The following EPS15L1 variants were observed in gnomAD, a reference collection of about 807,000 sequenced individuals.
EPS15L1 encodes epidermal growth factor receptor substrate 15-like 1.
Under a neutral mutation model 117.1 loss-of-function variants are expected in EPS15L1, and 43 were observed. That is an observed-to-expected ratio of 0.37 (90% CI 0.29 to 0.47). The LOEUF is 0.47. EPS15L1 is among the 20% of genes least tolerant of loss of function. The probability of loss-of-function intolerance (pLI) is 0.99; values close to 1 mark genes in which losing one functional copy is unlikely to be tolerated. For missense variants in EPS15L1, 981 were observed against 1,164.0 expected, an observed-to-expected ratio of 0.84 and a Z score of 2.29; for synonymous variants, 459 against 470.5, an observed-to-expected ratio of 0.98 and a Z score of 0.32.
intron 13 of EPS15L1, 48 bp downstream of exon 13, chr19:16,413,725 C>A (rs762466002): frequency 6.6e-7 from 1 of 1,525,846 alleles, no homozygotes; most frequent in Admixed American, 1.7e-5. Flanking sequence ...TTTTCCTGAA[C>A]TACATTTAGC....
chr19:16,397,142 T>G (rs561506145), intron 16 of EPS15L1, among the ~76,000 whole-genome samples: 2 of 152,066 alleles, frequency 1.3e-5, no homozygotes, highest in East Asian at 1.9e-4. Context: ...CAGGCTGGAG[T>G]GCAGTGGCGT....
intron 7 of EPS15L1, 31 bp downstream of exon 7, chr19:16,434,334 T>C (rs1599643669): frequency 3.7e-6 from 6 of 1,609,644 alleles, no homozygotes; most frequent in Non-Finnish European, 5.1e-6. Context: ...GGACACTGAG[T>C]GCAGAAGAAC....
At chr19:16,389,710 T>C (rs1187413784) in intron 19 of EPS15L1, among the ~76,000 whole-genome samples, 1 of 152,194 alleles carries the variant, frequency 6.6e-6, no homozygotes, top group Admixed American at 6.5e-5. Flanking sequence ...ATGTATGAAA[T>C]TCACATGACG....
intron 7 of EPS15L1, among the ~76,000 whole-genome samples, chr19:16,429,414 C>T (rs927807926): frequency 6.6e-6 from 1 of 152,202 alleles, no homozygotes; most frequent in African/African-American, 2.4e-5. Flanking sequence ...CTGCCAGTCC[C>T]CGGATCTAAG....
intron 21 of EPS15L1, among the ~76,000 whole-genome samples, chr19:16,380,139 GCA>G (rs945448430): frequency 5.9e-5 from 8 of 135,304 alleles, no homozygotes; most frequent in African/African-American, 2.0e-4. Flanking sequence ...GCATCTAGTC[GCA>G]CAGACGCAGC....
intron 16 of EPS15L1, chr19:16,401,898 G>A (rs2092604968): frequency 1.0e-6 from 1 of 993,032 alleles, no homozygotes; most frequent in South Asian, 4.7e-5. Flanking sequence ...TGTTCCTTGT[G>A]GAAACACACA....
At chr19:16,445,800 G>C (rs577321336) in intron 1 of EPS15L1, among the ~76,000 whole-genome samples, 12 of 152,320 alleles carry the variant, frequency 7.9e-5, no homozygotes, top group African/African-American at 2.6e-4. Flanking sequence ...ACGCACCAGG[G>C]GATGAGGCCT....
chr19:16,378,399 A>G (rs1402447645), intron 21 of EPS15L1, among the ~76,000 whole-genome samples: 1 of 151,970 alleles, frequency 6.6e-6, no homozygotes, highest in Non-Finnish European at 1.5e-5. Flanking sequence ...CAAGTCCTGC[A>G]ACACTCAGGT....
intron 1 of EPS15L1, among the ~76,000 whole-genome samples, chr19:16,443,935 G>A (rs567085224): frequency 2.2e-4 from 34 of 151,552 alleles, no homozygotes; most frequent in Admixed American, 1.2e-3. Context: ...GTGGTGGTGT[G>A]CGCCTGTAAT....
In EPS15L1 at chr19:16,385,164, C is replaced by T. The variant is rs1208306721; in HGVS notation, c.2212G>A (p.Ala738Thr). The T allele has an allele frequency of 1.9e-6, 3 of 1,614,174 alleles. No homozygotes were observed. The highest frequency in any genetic ancestry group is 1.7e-5 in the Admixed American group (1 of 60,032). The stretch of plus-strand genomic sequence containing the variant: ...TGGCTGAAGTCGGCAAAGCCTTCAG[C>T]ACTATTGAAGGACCCACTTCCGAAG... ...DPFGSGSFNSAEGFADFSQMS... is the reference protein window; with the variant it reads ...DPFGSGSFNSTEGFADFSQMS... Residue 738 changes from alanine (A) to threonine (T), a missense_variant, in exon 21 of 24, where the codon GCT becomes ACT. Transcript: ENST00000455140.
At chr19:16,363,147 C>T (rs1193295794) in intron 22 of EPS15L1, among the ~76,000 whole-genome samples, 4 of 152,164 alleles carry the variant, frequency 2.6e-5, no homozygotes, top group South Asian at 2.1e-4. Context: ...GCAGGCCAGC[C>T]GGGCTGACTC....
At chr19:16,428,133 G>A (rs140083029) in intron 8 of EPS15L1, among the ~76,000 whole-genome samples, 27 of 150,686 alleles carry the variant, frequency 1.8e-4, no homozygotes, top group Non-Finnish European at 3.2e-4. Flanking sequence ...CCTGGGAGGC[G>A]GAGGCTGCAG....
In EPS15L1 at chr19:16,394,134, T is replaced by C. The variant is rs2092514301; in HGVS notation, c.1916-133A>G. 6.3e-5 allele frequency: 49 copies of C among 779,942 alleles called. No individual in the cohort carries two copies. In the South Asian group the frequency reaches 7.0e-4, roughly 11 times the overall value. The allele number at this position is 779,942 out of a possible 1,614,324, so 48.3% of individuals were successfully genotyped here. ...TCCAGTGTAGGGAGAGAATGTTAGTTCCTTCTCTACTATCCACCTGCCCTC... is the reference window on the plus strand; with the variant it reads ...TCCAGTGTAGGGAGAGAATGTTAGTCCCTTCTCTACTATCCACCTGCCCTC... On this transcript the variant is annotated intron_variant, in intron 17 of 23. Transcript: ENST00000455140.
At chr19:16,452,842 G>C (rs903349923) in intron 1 of EPS15L1, among the ~76,000 whole-genome samples, 6 of 151,628 alleles carry the variant, frequency 4.0e-5, no homozygotes, top group African/African-American at 1.5e-4. Context: ...TGTCCCCCAA[G>C]CTGGAGCGCA....
Position 16,471,927 on chromosome 19 carries a change from G to C in EPS15L1, c.19C>G (p.Pro7Ala), listed in dbSNP as rs1272025635. The C allele has an allele frequency of 7.7e-7, 1 of 1,295,872 alleles. No individual in the cohort carries two copies. Among genetic ancestry groups the C allele is most frequent in the Non-Finnish European group, 9.8e-7 (1 of 1,023,456 alleles). 80.3% of individuals were successfully genotyped at this position (1,295,872 alleles called of 1,614,324 possible). The stretch of plus-strand genomic sequence containing the variant: ...CCGGCCCGTACCTGCTGGGAGAGGG[G>C]GATGAGCGGCGCCGCCATCTTCCCG... MAAPLI[P>A]LSQQIPTGNS... Residue 7 changes from proline to alanine, a missense_variant, in exon 1 of 24, where the codon CCC becomes GCC. Coordinates refer to ENST00000455140, the MANE Select transcript of EPS15L1 (RefSeq NM_001258374.3). The surrounding 1 kb of genome is among the most constrained non-coding windows in gnomAD (Gnocchi z 4.8).
intron 1 of EPS15L1, among the ~76,000 whole-genome samples, chr19:16,452,955 C>T (rs978977557): frequency 2.0e-5 from 3 of 152,044 alleles, no homozygotes; most frequent in African/African-American, 7.2e-5. Flanking sequence ...CACCACCATG[C>T]CCAGCTAATT....
chr19:16,465,882 G>A (rs1205938653), intron 1 of EPS15L1, among the ~76,000 whole-genome samples: 2 of 151,998 alleles, frequency 1.3e-5, no homozygotes, highest in African/African-American at 4.8e-5. Context: ...AAACTATGGT[G>A]CAATGAAGAG....
chr19:16,392,577 T>C, intron 18 of EPS15L1, 137 bp from the exon 19 acceptor site: 1 of 849,642 alleles, frequency 1.2e-6, no homozygotes, highest in Non-Finnish European at 1.8e-6. Context: ...AACAGGATAA[T>C]GGTGGCCAGG....
chr19:16,393,878 T>C (rs1303933505), intron 18 of EPS15L1, 73 bp downstream of exon 18: 3 of 1,451,366 alleles, frequency 2.1e-6, no homozygotes, highest in East Asian at 4.5e-5. Context: ...TGGACACAAG[T>C]CCCACCACAT....
Sources: gnomAD v4.1 joint callset for allele counts (sites outside exome capture counted in the v4.1 genomes callset) on GRCh38, gnomAD v4.1.1 for gene constraint, Gnocchi (gnomAD v3.1) non-coding constraint, MANE v1.5 for transcripts, NCBI Gene and HGNC (gene_info 2026-07-23, HGNC 2026-07-21) for gene names.